RAI1: variants seen among roughly 807,000 people sequenced by gnomAD.
RAI1 encodes retinoic acid-induced protein 1.
A neutral mutation model predicts 123.8 loss-of-function variants in RAI1; 9 were observed. The observed-to-expected ratio is 0.07, with a 90% CI of 0.04 to 0.13. The LOEUF (loss-of-function observed/expected upper bound fraction) is 0.13, where lower values mean the gene tolerates loss of function less well. Among genes scored for constraint, RAI1 ranks in the 10% least tolerant of loss-of-function variants. The probability of loss-of-function intolerance (pLI) is 1.00; values close to 1 mark genes in which losing one functional copy is unlikely to be tolerated. For missense variants in RAI1, 2,256 were observed against 2,545.8 expected, an observed-to-expected ratio of 0.89 and a Z score of 2.45; for synonymous variants, 1,231 against 1,127.3, an observed-to-expected ratio of 1.09 and a Z score of -1.84.
chr17:17,711,588 T>C (rs960394656), intron 1 of RAI1, among the ~76,000 whole-genome samples: 11 of 152,308 alleles, frequency 7.2e-5, no homozygotes, highest in Admixed American at 7.2e-4. Flanking sequence ...CCAAATGTGC[T>C]GGAGGCCTCA....
At chr17:17,710,992 C>T (rs1366779407) in intron 1 of RAI1, among the ~76,000 whole-genome samples, 1 of 152,194 alleles carries the variant, frequency 6.6e-6, no homozygotes, top group South Asian at 2.1e-4. Flanking sequence ...GTTTCCCAGC[C>T]TCCTCCCCCT....
At chr17:17,808,583 G>T (rs2143006321) in intron 4 of RAI1, among the ~76,000 whole-genome samples, 1 of 152,080 alleles carries the variant, frequency 6.6e-6, no homozygotes, top group East Asian at 1.9e-4. Flanking sequence ...GAGTAGCTGG[G>T]ACTACAGGCA....
At chr17:17,713,507 G>A (rs1405954498) in intron 1 of RAI1, among the ~76,000 whole-genome samples, 1 of 152,166 alleles carries the variant, frequency 6.6e-6, no homozygotes, top group Non-Finnish European at 1.5e-5. Context: ...TGGGCGTGGT[G>A]ATACACGCCT....
intron 2 of RAI1, among the ~76,000 whole-genome samples, chr17:17,775,328 CA>C (rs1234147344): frequency 2.0e-5 from 3 of 151,878 alleles, no homozygotes; most frequent in Non-Finnish European, 4.4e-5. Flanking sequence ...CTCAGCCTCC[CA>C]AGTAGCTGAG....
intron 2 of RAI1, chr17:17,779,083 G>A: frequency 2.8e-6 from 1 of 359,896 alleles, no homozygotes; most frequent in Non-Finnish European, 5.6e-6. Flanking sequence ...CGCATTTCAT[G>A]GCTGTTCCAA....
intron 2 of RAI1, among the ~76,000 whole-genome samples, chr17:17,724,477 C>T (rs1473081098): frequency 1.4e-5 from 2 of 140,084 alleles, no homozygotes; most frequent in African/African-American, 5.4e-5. Flanking sequence ...CCTCCCCTTT[C>T]CTCCACAAAG....
chr17:17,736,509 G>GT (rs756129310), intron 2 of RAI1, among the ~76,000 whole-genome samples: 2 of 152,262 alleles, frequency 1.3e-5, no homozygotes, highest in African/African-American at 2.4e-5. Context: ...GTAGAAGGAA[G>GT]TGGGTCTTTG....
intron 1 of RAI1, among the ~76,000 whole-genome samples, chr17:17,717,255 CA>C (rs1915739960): frequency 6.6e-6 from 1 of 152,142 alleles, no homozygotes; most frequent in South Asian, 2.1e-4. Context: ...CTTCCTGGCC[CA>C]GGGGTAAGTT....
chr17:17,782,125 T>A (rs975109526), intron 2 of RAI1: 12 of 152,060 alleles, frequency 7.9e-5, no homozygotes, highest in African/African-American at 2.4e-4. Flanking sequence ...AATCGGTCTT[T>A]TCCAGGCTGA....
Position 17,776,456 on chromosome 17 carries a change from C to T in RAI1, c.-16-16477C>T, listed in dbSNP as rs1044621634. 2.3e-4 allele frequency among the ~76,000 whole-genome samples: 35 copies of T among 152,040 alleles called. 1 individual carries two copies. Among genetic ancestry groups the T allele is most frequent in the African/African-American group, 8.0e-4 (33 of 41,386 alleles). The stretch of plus-strand genomic sequence containing the variant: ...CGCGATCTCAGCTTACTGCAGCCTC[C>T]ACCTCCTGAGTTCCAGCGATTCTTG... On this transcript the variant is annotated intron_variant, in intron 2 of 5. Coordinates refer to ENST00000353383, the MANE Select transcript of RAI1 (RefSeq NM_030665.4).
chr17:17,803,641 C>T (rs1204384923), intron 3 of RAI1, 115 bp from the exon 4 acceptor site: 6 of 970,154 alleles, frequency 6.2e-6, no homozygotes, highest in African/African-American at 4.8e-5. Flanking sequence ...CCACCTTGGC[C>T]TCCCAGAGTG....
chr17:17,686,615 G>A (rs1025258864), intron 1 of RAI1, among the ~76,000 whole-genome samples: 3 of 148,570 alleles, frequency 2.0e-5, no homozygotes, highest in East Asian at 2.0e-4. Context: ...GTGTGCACGC[G>A]CGCGCCGGGG....
chr17:17,730,777 G>A (rs564795407), intron 2 of RAI1, among the ~76,000 whole-genome samples: 132 of 152,362 alleles, frequency 8.7e-4, no homozygotes, highest in Non-Finnish European at 1.4e-3. Flanking sequence ...CAGACTGGGG[G>A]ACCGAGGCAC....
chr17:17,708,338 C>T (rs1472938915), intron 1 of RAI1, among the ~76,000 whole-genome samples: 1 of 152,136 alleles, frequency 6.6e-6, no homozygotes, highest in African/African-American at 2.4e-5. Context: ...AATACTTGTG[C>T]TAATCAGCCT....
intron 1 of RAI1, among the ~76,000 whole-genome samples, chr17:17,694,319 A>T (rs1914936419): frequency 6.6e-6 from 1 of 152,020 alleles, no homozygotes; most frequent in Non-Finnish European, 1.5e-5. Flanking sequence ...GTCGCGGTGG[A>T]GACGCACGAG....
At chr17:17,690,238 A>T (rs1436597445) in intron 1 of RAI1, among the ~76,000 whole-genome samples, 1 of 151,814 alleles carries the variant, frequency 6.6e-6, no homozygotes, top group African/African-American at 2.4e-5. Context: ...ATACAAAAAG[A>T]TAGCTGGGCG....
At chr17:17,780,740 T>C (rs1317735228) in intron 2 of RAI1, among the ~76,000 whole-genome samples, 1 of 152,202 alleles carries the variant, frequency 6.6e-6, no homozygotes, top group African/African-American at 2.4e-5. Context: ...GCTCCAGCAG[T>C]CTGAGCCTTA....
chr17:17,771,911 C>T (rs2031173804), intron 2 of RAI1, among the ~76,000 whole-genome samples: 1 of 152,216 alleles, frequency 6.6e-6, no homozygotes, highest in Non-Finnish European at 1.5e-5. Context: ...TCTGTCCCCA[C>T]CACCCCCCAC....
At position 17,795,851 on chromosome 17, in the gene RAI1, C is replaced by T. The variant is rs768781835; in HGVS notation, c.2903C>T (p.Ser968Leu). 6.8e-6 allele frequency: 11 copies of T among 1,613,212 alleles called. No individual in the cohort carries two copies. The highest frequency in any genetic ancestry group is 1.1e-5 in the South Asian group (1 of 91,086). Residue 968 changes from serine to leucine, a missense_variant, in exon 3 of 6, where the codon TCG (serine) becomes TTG (leucine). Ser to Leu is a moderately radical substitution (Grantham distance 145, BLOSUM62 -2). Coordinates refer to ENST00000353383, the MANE Select transcript of RAI1 (RefSeq NM_030665.4). This position sits in a 1 kb window ranked among gnomAD's most constrained non-coding sequence, Gnocchi z 5.9. ...GERAPGDSTTSDASLAQKPNK... is the reference protein window; with the variant it reads ...GERAPGDSTTLDASLAQKPNK... ...CGAGCTCCAGGGGATTCCACCACCT[C>T]GGACGCCTCTCTGGCCCAGAAGCCC...
Sources: allele counts gnomAD v4.1 joint callset (sites outside exome capture counted in the v4.1 genomes callset), GRCh38; gene constraint gnomAD v4.1.1; non-coding constraint Gnocchi (gnomAD v3.1); transcripts MANE v1.5; gene names NCBI Gene and HGNC (gene_info 2026-07-23, HGNC 2026-07-21).